Variants in PPIL3 observed in about 807,000 individuals in gnomAD.
PPIL3 encodes peptidylprolyl isomerase like 3.
PPIL3 carries 13 observed loss-of-function variants against 20.9 expected under a neutral mutation model. The observed-to-expected ratio is 0.62, with a 90% confidence interval of 0.40 to 0.99. PPIL3 has a LOEUF of 0.99. Ranked by LOEUF, PPIL3 falls within the 50% of genes least tolerant of loss-of-function variation. The pLI is 0.00. For missense variants in PPIL3, 170 were observed against 195.2 expected (o/e 0.87, Z 0.77); for synonymous variants, 71 against 64.4 (o/e 1.10, Z -0.49).
chr2:200,880,423 T>TTTTTTTTTTTA (rs2039682590), intron 5 of PPIL3, among the ~76,000 whole-genome samples: 3 of 151,032 alleles, frequency 2.0e-5, no homozygotes, highest in Non-Finnish European at 2.9e-5. Context: ...TTTTTTTTTT[T>TTTTTTTTTTTA]GAGTGGGGTC....
chr2:200,880,346 G>C (rs766726006), intron 5 of PPIL3, among the ~76,000 whole-genome samples: 14 of 151,510 alleles, frequency 9.2e-5, no homozygotes, highest in Non-Finnish European at 2.1e-4. Context: ...AATTTTTGTG[G>C]GTACATTTTA....
At chr2:200,888,521 C>CTT in intron 1 of PPIL3, 1 of 182,362 alleles carries the variant, frequency 5.5e-6, no homozygotes, top group South Asian at 8.9e-5. Flanking sequence ...ATGAACTTCT[C>CTT]TTTTTTTTTC....
upstream of PPIL3, chr2:200,889,227 G>C: frequency 2.8e-6 from 1 of 352,828 alleles, no homozygotes. Flanking sequence ...GGGACAAGAA[G>C]TGTAAGGCGA....
chr2:200,882,614 AAT>A (rs1160223144), intron 3 of PPIL3, among the ~76,000 whole-genome samples, 179 bp from the exon 4 acceptor site: 1 of 152,182 alleles, frequency 6.6e-6, no homozygotes, highest in Non-Finnish European at 1.5e-5. Context: ...CTTGAAATAA[AAT>A]ACAAAATCTT....
At chr2:200,876,255 A>T (rs969977304) in intron 6 of PPIL3, among the ~76,000 whole-genome samples, 3 of 151,762 alleles carry the variant, frequency 2.0e-5, no homozygotes, top group Non-Finnish European at 2.9e-5. Context: ...GGCTGCAATG[A>T]GCCATGACTG....
chr2:200,879,394 C>T (rs926310794), intron 5 of PPIL3, among the ~76,000 whole-genome samples: 2 of 151,628 alleles, frequency 1.3e-5, no homozygotes, highest in Non-Finnish European at 2.9e-5. Flanking sequence ...GCTGGGATTA[C>T]AGGTGTGAGC....
intron 5 of PPIL3, among the ~76,000 whole-genome samples, chr2:200,877,276 A>C (rs550121588): frequency 1.3e-5 from 2 of 152,190 alleles, no homozygotes; most frequent in Non-Finnish European, 2.9e-5. Context: ...TTCAATCTTT[A>C]CCTTCACAAT....
At chr2:200,885,146 G>A (rs1371060649) in intron 3 of PPIL3, 1 of 172,028 alleles carries the variant, frequency 5.8e-6, no homozygotes, top group Non-Finnish European at 1.2e-5. Flanking sequence ...TGAGGTGCAT[G>A]GATCACCTGA....
At chr2:200,875,274 G>C (rs1184412686) in intron 6 of PPIL3, among the ~76,000 whole-genome samples, 2 of 146,018 alleles carry the variant, frequency 1.4e-5, no homozygotes, top group East Asian at 4.0e-4. Context: ...TTCTGGGAAA[G>C]TTTTTTTTTT....
chr2:200,883,112 CTTTTT>C (rs1289951586), intron 3 of PPIL3, among the ~76,000 whole-genome samples: 1 of 108,818 alleles, frequency 9.2e-6, no homozygotes, highest in African/African-American at 3.6e-5. Context: ...CTGGAATGTT[CTTTTT>C]TTTTTTTTTT....
intron 4 of PPIL3, 23 bp downstream of exon 4, chr2:200,882,319 T>A: frequency 7.0e-7 from 1 of 1,431,216 alleles, no homozygotes; most frequent in Middle Eastern, 1.8e-4. Context: ...GTTCCTTAGA[T>A]CTTGGTTAAT....
At chr2:200,873,972 A>G (rs192999851) in intron 6 of PPIL3, among the ~76,000 whole-genome samples, 186 of 151,680 alleles carry the variant, frequency 1.2e-3, no homozygotes, top group Middle Eastern at 3.4e-3. Flanking sequence ...TTGGGAGGCC[A>G]AGGCGGGCGG....
At chr2:200,889,107 G>A, upstream of PPIL3, 1 of 465,388 alleles carries the variant, frequency 2.1e-6, no homozygotes, top group Admixed American at 2.4e-5. Context: ...GCCCCTTACC[G>A]CCTCACCTCC....
chr2:200,879,165 C>G (rs1575104868), intron 5 of PPIL3, among the ~76,000 whole-genome samples: 1 of 151,918 alleles, frequency 6.6e-6, no homozygotes, highest in Non-Finnish European at 1.5e-5. Context: ...GTCGCCCAGA[C>G]TGGAGTGCAG....
intron 3 of PPIL3, 28 bp from the exon 4 acceptor site, chr2:200,882,463 T>C (rs771218881): frequency 2.2e-6 from 3 of 1,375,166 alleles, no homozygotes; most frequent in Non-Finnish European, 2.1e-6. Context: ...GATTGAGAAA[T>C]GATGCAGCAG....
At chr2:200,873,174 G>T (rs2039376976) in intron 6 of PPIL3, among the ~76,000 whole-genome samples, 1 of 150,340 alleles carries the variant, frequency 6.7e-6, no homozygotes, top group Non-Finnish European at 1.5e-5. Flanking sequence ...GCAGTTAATT[G>T]TTTAATTATA....
intron 6 of PPIL3, among the ~76,000 whole-genome samples, chr2:200,875,291 C>T (rs56764993): frequency 0.02 from 3,020 of 151,180 alleles, 108 homozygotes; most frequent in African/African-American, 0.069. Flanking sequence ...TTTTTTGAGA[C>T]GGAGTCTCGC....
At position 200,871,274 on chromosome 2, in the gene PPIL3, AG is replaced by A; in HGVS notation, c.*120del. ...GCGCCCCTTGGTACCACCATTTCAT[AG>A]AAGATCATAGTTGTAAACAAGCAGA... On this transcript the variant is annotated 3_prime_UTR_variant, in exon 7 of 7. Transcript: ENST00000392283. 1 of 1,062,486 alleles carries A rather than the reference AG, an allele frequency of 9.4e-7. No homozygotes were observed. Among genetic ancestry groups the A allele is most frequent in the Non-Finnish European group, 1.3e-6 (1 of 757,720 alleles). 65.8% of individuals were successfully genotyped at this position (1,062,486 alleles called of 1,614,324 possible).
intron 1 of PPIL3, chr2:200,888,328 A>G: frequency 6.6e-6 from 1 of 152,086 alleles, no homozygotes; most frequent in Non-Finnish European, 1.5e-5. Flanking sequence ...AGTTTAACTG[A>G]CCTGACAATC....
Sources: allele counts gnomAD v4.1 joint callset (sites outside exome capture counted in the v4.1 genomes callset), GRCh38; gene constraint gnomAD v4.1.1; transcripts MANE v1.5; gene names NCBI Gene and HGNC (gene_info 2026-07-23, HGNC 2026-07-21).